The following BCL6B variants were observed in gnomAD, a reference collection of about 807,000 sequenced individuals.
The protein encoded by BCL6B is B-cell CLL/lymphoma 6 member B protein.
Under a neutral mutation model 44.6 loss-of-function variants are expected in BCL6B, and 28 were observed. The observed-to-expected ratio is 0.63, with a 90% CI of 0.47 to 0.86. The LOEUF (loss-of-function observed/expected upper bound fraction) is 0.86, where lower values mean the gene tolerates loss of function less well. Among genes scored for constraint, BCL6B ranks in the 40% least tolerant of loss-of-function variants. The probability of loss-of-function intolerance (pLI) is 0.00; values close to 1 mark genes in which losing one functional copy is unlikely to be tolerated. For missense variants in BCL6B, 626 were observed against 652.3 expected (o/e 0.96, Z 0.44); for synonymous variants, 268 against 263.6 (o/e 1.02, Z -0.16).
Position 7,028,000 on chromosome 17 carries a change from T to G in BCL6B, c.*381T>G, listed in dbSNP as rs1253033127. The G allele has an allele frequency of 9.8e-7, 1 of 1,024,518 alleles. No homozygotes were observed. The highest frequency in any genetic ancestry group is 1.7e-5 in the African/African-American group (1 of 58,206). The allele number at this position is 1,024,518 out of a possible 1,614,324, so 63.5% of individuals were successfully genotyped here. A position where few individuals can be genotyped will look rare whatever the true frequency, so the allele number is the denominator to read the frequency against. ...GGGTGGCACCGGGGCCTTCATTCGATTGCATTTCCCACTCCCCTCTTCCAC... is the reference window on the plus strand; with the variant it reads ...GGGTGGCACCGGGGCCTTCATTCGAGTGCATTTCCCACTCCCCTCTTCCAC... On this transcript the variant is annotated 3_prime_UTR_variant, in exon 9 of 9. Coordinates refer to ENST00000293805, the MANE Select transcript of BCL6B (RefSeq NM_181844.4).
In BCL6B at chr17:7,028,997, C is replaced by T; in HGVS notation, c.*1378C>T. 1.0e-6 allele frequency: 1 copy of T among 985,452 alleles called. No homozygotes were observed. The allele number at this position is 985,452 out of a possible 1,614,324, so 61.0% of individuals were successfully genotyped here. On this transcript the variant is annotated 3_prime_UTR_variant, in exon 9 of 9. Transcript: ENST00000293805. ...TGGGTCTGTGACCTGGTCTTCCCAT[C>T]CCTGCATTCCTGTCTGGAACCAGTG...
In BCL6B at chr17:7,028,436, C is replaced by T; in HGVS notation, c.*817C>T. On this transcript the variant is annotated 3_prime_UTR_variant, in exon 9 of 9. Transcript: ENST00000293805. Reference sequence around the variant, plus strand: ...AAAATGGAAGTAATAATAAATGCCTCCTGGAGGCTGTGGGTGTGGGGGATT... The same window carrying T: ...AAAATGGAAGTAATAATAAATGCCTTCTGGAGGCTGTGGGTGTGGGGGATT... 1.4e-6 allele frequency: 1 copy of T among 698,946 alleles called. No individual in the cohort carries two copies. The highest frequency in any genetic ancestry group is 1.7e-6 in the Non-Finnish European group (1 of 574,640). The allele number at this position is 698,946 out of a possible 1,614,324, so 43.3% of individuals were successfully genotyped here.
At position 7,024,085 on chromosome 17, in the gene BCL6B, G is replaced by C; in HGVS notation, c.182G>C (p.Gly61Ala). ...GGACTTATCTGCTCTCTCTCTAGTG[G>C]CTTCTTCTATTCAATTTTCCGGGGC... ...AHKAVLIACS[G>A]FFYSIFRGRA... The change falls in exon 3 of 9, where the codon GGC becomes GCC. Residue 61 changes from glycine to alanine, a missense_variant and splice_region_variant. Gly to Ala is a moderately conservative substitution (Grantham distance 60). Transcript: ENST00000293805. This position sits in a 1 kb window ranked among gnomAD's most constrained non-coding sequence, Gnocchi z 6.6. 6.2e-7 allele frequency: 1 copy of C among 1,613,896 alleles called. No individual in the cohort carries two copies. The highest frequency in any genetic ancestry group is 2.2e-5 in the East Asian group (1 of 44,868).
rs1567730096 is a variant in BCL6B at position 7,029,467 on chromosome 17, T to C, written c.*1848T>C. ...AGCTACTCTTCTCCCTCTTCCCTCT[T>C]TCTCCCCATGGCCCCACTGCAGAAT... On this transcript the variant is annotated 3_prime_UTR_variant, in exon 9 of 9. Transcript: ENST00000293805. 9.6e-7 allele frequency: 1 copy of C among 1,039,134 alleles called. No homozygotes were observed. The highest frequency in any genetic ancestry group is 1.2e-6 in the Non-Finnish European group (1 of 860,852). The allele number at this position is 1,039,134 out of a possible 1,614,324, so 64.4% of individuals were successfully genotyped here. A position where few individuals can be genotyped will look rare whatever the true frequency, so the allele number is the denominator to read the frequency against.
rs776000574 is a variant in BCL6B, at chr17:7,026,985, C to T, written c.1221C>T (p.Thr407=). The change falls in exon 8 of 9, where the codon ACC becomes ACT. Residue 407 remains threonine (T), a synonymous_variant. Transcript: ENST00000293805. ...TGCGGGCGCACGTGCTGATCCACACCGGGGAGAAGCCCTACCCTTGCCCTA... is the reference window on the plus strand; with the variant it reads ...TGCGGGCGCACGTGCTGATCCACACTGGGGAGAAGCCCTACCCTTGCCCTA... ...AHLRAHVLIH[T]GEKPYPCPTC... is the part of the protein sequence containing the mutation. The T allele has an allele frequency of 2.3e-5, 37 of 1,613,252 alleles. No individual in the cohort carries two copies. Among genetic ancestry groups the T allele is most frequent in the Non-Finnish European group, 2.6e-5 (31 of 1,180,022 alleles).
rs920846763 is a variant in BCL6B, at chr17:7,024,096, T to C, written c.193T>C (p.Ser65Pro). ...VLIACSGFFY[S>P]IFRGRAGVGV... ...CTCTCTCTCTAGTGGCTTCTTCTAT[T>C]CAATTTTCCGGGGCCGTGCGGGAGT... Residue 65 changes from serine to proline, a missense_variant, in exon 3 of 9, where the codon TCA becomes CCA. By Grantham distance (74) the Ser-to-Pro change is moderately conservative (BLOSUM62 -1). Transcript: ENST00000293805. This position sits in a 1 kb window ranked among gnomAD's most constrained non-coding sequence, Gnocchi z 6.6. 6.2e-7 allele frequency: 1 copy of C among 1,613,930 alleles called. No homozygotes were observed. The highest frequency in any genetic ancestry group is 8.5e-7 in the Non-Finnish European group (1 of 1,180,016).
Position 7,028,574 on chromosome 17 carries a change from TC to T in BCL6B, c.*957del, listed in dbSNP as rs1461152731. On this transcript the variant is annotated 3_prime_UTR_variant, in exon 9 of 9. Transcript: ENST00000293805. ...GTCACTTGGGTTTGGCTCTGCTGTA[TC>T]CATCTATAGTGGTAGAGACCCACCA... 1 of 840,962 alleles carries T rather than the reference TC, an allele frequency of 1.2e-6. No homozygotes were observed. The highest frequency in any genetic ancestry group is 2.6e-4 in the East Asian group (1 of 3,858). 52.1% of individuals were successfully genotyped at this position (840,962 alleles called of 1,614,324 possible).
rs202166674 is a variant in BCL6B, at chr17:7,024,540, C to A, written c.541C>A (p.Pro181Thr). 2 of 1,613,952 alleles carry A rather than the reference C, an allele frequency of 1.2e-6. No individual in the cohort carries two copies. Among genetic ancestry groups the A allele is most frequent in the Admixed American group, 1.7e-5 (1 of 60,008 alleles). Residue 181 changes from proline to threonine, a missense_variant, in exon 4 of 9, where the codon CCC (proline) becomes ACC (threonine). Transcript: ENST00000293805. This position sits in a 1 kb window ranked among gnomAD's most constrained non-coding sequence, Gnocchi z 6.6. Reference protein sequence around the residue: ...PTESRSCSQGPPSPASPDPKA... With the variant: ...PTESRSCSQGTPSPASPDPKA... ...TGAATCTCGAAGCTGCAGTCAAGGCCCCCCCAGTCCAGCCAGCCCTGACCC... is the reference window on the plus strand; with the variant it reads ...TGAATCTCGAAGCTGCAGTCAAGGCACCCCCAGTCCAGCCAGCCCTGACCC...
In BCL6B at chr17:7,026,163, G is replaced by A. The variant is rs547922152; in HGVS notation, c.890-294G>A. Among the ~76,000 whole-genome samples the A allele has an allele frequency of 1.7e-4, 26 of 152,166 alleles. No homozygotes were observed. In the East Asian group the frequency reaches 2.7e-3, roughly 16 times the overall value. ...TCTCCATCTCTTGACCTTGTGATCCGACCGCCTCGGCCTCCCAAAGTGCTG... is the reference window on the plus strand; with the variant it reads ...TCTCCATCTCTTGACCTTGTGATCCAACCGCCTCGGCCTCCCAAAGTGCTG... On this transcript the variant is annotated intron_variant, in intron 5 of 8. Transcript: ENST00000293805.
rs1293128669 is a variant in BCL6B, at chr17:7,025,126, G to T, written c.815G>T (p.Ser272Ile). The T allele has an allele frequency of 6.2e-7, 1 of 1,614,118 alleles. No individual in the cohort carries two copies. The highest frequency in any genetic ancestry group is 1.7e-5 in the Admixed American group (1 of 60,016). The change falls in exon 5 of 9, where the codon AGT becomes ATT. Residue 272 changes from serine (S) to isoleucine (I), a missense_variant. By Grantham distance (142) the Ser-to-Ile change is moderately radical. Transcript: ENST00000293805. ...TVQFKCGAPA[S>I]TPYLLTSQAQ... The stretch of plus-strand genomic sequence containing the variant: ...CAGTTCAAATGTGGGGCTCCAGCCA[G>T]TACCCCCTACCTCCTCACATCCCAG...
In BCL6B at chr17:7,025,126, G is replaced by C; in HGVS notation, c.815G>C (p.Ser272Thr). The C allele has an allele frequency of 6.2e-7, 1 of 1,614,118 alleles. No individual in the cohort carries two copies. The highest frequency in any genetic ancestry group is 1.3e-5 in the African/African-American group (1 of 75,030). Residue 272 changes from serine (S) to threonine (T), a missense_variant, in exon 5 of 9, where the codon AGT (serine) becomes ACT (threonine). By Grantham distance (58) the Ser-to-Thr change is moderately conservative. Transcript: ENST00000293805. Reference protein sequence around the residue: ...TVQFKCGAPASTPYLLTSQAQ... With the variant: ...TVQFKCGAPATTPYLLTSQAQ... ...CAGTTCAAATGTGGGGCTCCAGCCAGTACCCCCTACCTCCTCACATCCCAG... is the reference window on the plus strand; with the variant it reads ...CAGTTCAAATGTGGGGCTCCAGCCACTACCCCCTACCTCCTCACATCCCAG...
chr17:7,024,390 A>G lies in BCL6B; in HGVS notation c.402-11A>G. On this transcript the variant is annotated splice_polypyrimidine_tract_variant and intron_variant, in intron 3 of 8. Transcript: ENST00000293805. The surrounding 1 kb of genome is among the most constrained non-coding windows in gnomAD (Gnocchi z 6.6). ...AGGAAATGGCACTAACGTTCATCAC[A>G]CTTTCCCCAGCTATGAACCTCTGGG... 6.2e-7 allele frequency: 1 copy of G among 1,612,208 alleles called. No homozygotes were observed. Among genetic ancestry groups the G allele is most frequent in the Non-Finnish European group, 8.5e-7 (1 of 1,178,878 alleles).
chr17:7,024,785 G>A lies in BCL6B; in HGVS notation c.764+22G>A. On this transcript the variant is annotated intron_variant, in intron 4 of 8. Transcript: ENST00000293805. This position sits in a 1 kb window ranked among gnomAD's most constrained non-coding sequence, Gnocchi z 6.6. ...GCAGGTACAGAGTCTAGAACCTCAA[G>A]AATTTGTCAGAGCTGGCCTCAGCTA... 1 of 1,580,586 alleles carries A rather than the reference G, an allele frequency of 6.3e-7. No individual in the cohort carries two copies. The highest frequency in any genetic ancestry group is 1.1e-5 in the South Asian group (1 of 88,294).
At chr17:7,023,976 G>A in intron 2 of BCL6B, 107 bp from the exon 3 acceptor site, 2 of 1,527,416 alleles carry the variant, frequency 1.3e-6, no homozygotes, top group Non-Finnish European at 1.8e-6. Flanking sequence ...TTGGGGGCGG[G>A]GTGATAGTGA....
chr17:7,028,231 G>A lies in BCL6B; in HGVS notation c.*612G>A. 1.0e-6 allele frequency: 1 copy of A among 985,770 alleles called. No homozygotes were observed. The highest frequency in any genetic ancestry group is 1.2e-6 in the Non-Finnish European group (1 of 830,202). 61.1% of individuals were successfully genotyped at this position (985,770 alleles called of 1,614,324 possible). ...AAGGGGTTCTCTGTGTTCTGCCCCT[G>A]TAATTCTAGGTCTGGAACCTTTATT... On this transcript the variant is annotated 3_prime_UTR_variant, in exon 9 of 9. Transcript: ENST00000293805.
Position 7,026,684 on chromosome 17 carries a change from TC to T in BCL6B, c.1055-18del, listed in dbSNP as rs765548313. The T allele has an allele frequency of 4.3e-6, 7 of 1,614,226 alleles. No individual in the cohort carries two copies. The highest frequency in any genetic ancestry group is 5.9e-6 in the Non-Finnish European group (7 of 1,180,028). Reference sequence around the variant, plus strand: ...CTGTCCTAGGGCAAAGTCCCTGATCTCCCATGTTCTCTGCCTCCAGGGGAAA... The same window carrying T: ...CTGTCCTAGGGCAAAGTCCCTGATCTCCATGTTCTCTGCCTCCAGGGGAAA... On this transcript the variant is annotated intron_variant, in intron 6 of 8. Coordinates refer to ENST00000293805, the MANE Select transcript of BCL6B (RefSeq NM_181844.4).
chr17:7,029,154 C>T lies in BCL6B; in HGVS notation c.*1535C>T. On this transcript the variant is annotated 3_prime_UTR_variant, in exon 9 of 9. Coordinates refer to ENST00000293805, the MANE Select transcript of BCL6B (RefSeq NM_181844.4). ...CTAGCCCATAGGCCAAAGGCCTGTT[C>T]TAGTTGACCAAGTTTCAAGTAGGAT... The T allele has an allele frequency of 2.0e-6, 2 of 985,680 alleles. No homozygotes were observed. Among genetic ancestry groups the T allele is most frequent in the Non-Finnish European group, 2.4e-6 (2 of 830,114 alleles). The allele number at this position is 985,680 out of a possible 1,614,324, so 61.1% of individuals were successfully genotyped here.
intron 1 of BCL6B, chr17:7,023,389 C>G: frequency 4.4e-6 from 2 of 453,152 alleles, no homozygotes; most frequent in South Asian, 3.2e-5. Context: ...GAACCCAGGG[C>G]GATGGGCGCG....
At position 7,024,028 on chromosome 17, in the gene BCL6B, C is replaced by T. The variant is rs1213012182; in HGVS notation, c.180-55C>T. The stretch of plus-strand genomic sequence containing the variant: ...CAGGGGGCGGGGCTTCCTGAAGCTG[C>T]GCATGTCTCCCTTGGTTCCCCAGCC... On this transcript the variant is annotated intron_variant, in intron 2 of 8. Coordinates refer to ENST00000293805, the MANE Select transcript of BCL6B (RefSeq NM_181844.4). This position sits in a 1 kb window ranked among gnomAD's most constrained non-coding sequence, Gnocchi z 6.6. 4 of 1,579,170 alleles carry T rather than the reference C, an allele frequency of 2.5e-6. No individual in the cohort carries two copies. Among genetic ancestry groups the T allele is most frequent in the Non-Finnish European group, 3.5e-6 (4 of 1,152,040 alleles).
Sources: gnomAD v4.1 joint callset for allele counts (sites outside exome capture counted in the v4.1 genomes callset) on GRCh38, gnomAD v4.1.1 for gene constraint, Gnocchi (gnomAD v3.1) non-coding constraint, MANE v1.5 for transcripts, NCBI Gene and HGNC (gene_info 2026-07-23, HGNC 2026-07-21) for gene names.